KLF8: variants seen among roughly 807,000 people sequenced by gnomAD.
The protein encoded by KLF8 is Krueppel-like factor 8.
KLF8 carries 10 observed loss-of-function variants against 18.2 expected under a neutral mutation model. The observed-to-expected ratio is 0.55, with a 90% CI of 0.34 to 0.93. The LOEUF (loss-of-function observed/expected upper bound fraction) is 0.93. Among genes scored for constraint, KLF8 ranks in the 40% least tolerant of loss-of-function variants. KLF8 has a pLI of 0.02. For synonymous variants in KLF8, 109 were observed against 97.3 expected (o/e 1.12, Z -0.71); for missense variants, 264 against 277.9 (o/e 0.95, Z 0.36).
At chrX:56,018,746 A>G in the KLF8 span, among the ~76,000 whole-genome samples, 10 of 111,359 alleles carry the variant, frequency 9.0e-5, no homozygotes, top group East Asian at 2.5e-3. Context: ...AAATTGTTAA[A>G]TATTAGCAAT....
upstream of KLF8, among the ~76,000 whole-genome samples, chrX:56,229,415 A>G (rs193279672): frequency 8.9e-6 from 1 of 112,079 alleles, no homozygotes; most frequent in East Asian, 2.8e-4. Context: ...AGTTGAAAAT[A>G]TCGCAGGTTG....
the KLF8 span, among the ~76,000 whole-genome samples, chrX:56,128,946 G>A: frequency 9.0e-5 from 8 of 89,329 alleles, no homozygotes; most frequent in Non-Finnish European, 2.0e-4. Context: ...TGTCTGCAAT[G>A]TGCAAAAAAG....
At chrX:56,030,035 T>C in the KLF8 span, among the ~76,000 whole-genome samples, 36 of 112,747 alleles carry the variant, frequency 3.2e-4, no homozygotes, top group African/African-American at 1.2e-3. Context: ...TAAGGCCATG[T>C]TAATCATATG....
chrX:56,138,284 G>A, the KLF8 span, among the ~76,000 whole-genome samples: 1 of 111,314 alleles, frequency 9.0e-6, no homozygotes, highest in Admixed American at 9.6e-5. Context: ...TTCAAAAATG[G>A]AGAAGGAAGG....
At chrX:56,119,603 T>C in the KLF8 span, among the ~76,000 whole-genome samples, 1 of 110,007 alleles carries the variant, frequency 9.1e-6, no homozygotes, top group East Asian at 2.9e-4. Flanking sequence ...GGTTTCACCA[T>C]ATTGGCCAGG....
the KLF8 span, among the ~76,000 whole-genome samples, chrX:56,188,289 A>T: frequency 9.0e-6 from 1 of 111,441 alleles, no homozygotes; most frequent in East Asian, 2.8e-4. Flanking sequence ...AAGAGAATAA[A>T]ATACCTAGGA....
chrX:56,188,192 C>T, the KLF8 span, among the ~76,000 whole-genome samples: 1 of 111,394 alleles, frequency 9.0e-6, no homozygotes, highest in African/African-American at 3.3e-5. Flanking sequence ...GATACAAAAT[C>T]AATGTACAAA....
At chrX:56,109,842 A>G in the KLF8 span, among the ~76,000 whole-genome samples, 1 of 110,650 alleles carries the variant, frequency 9.0e-6, no homozygotes, top group South Asian at 3.9e-4. Flanking sequence ...TTTGTTACAT[A>G]GATAAACACG....
chrX:56,048,355 T>C, the KLF8 span, among the ~76,000 whole-genome samples: 1 of 112,132 alleles, frequency 8.9e-6, no homozygotes, highest in South Asian at 3.7e-4. Context: ...GTCTATGTCC[T>C]GAATGGTATT....
chrX:56,101,684 A>G, the KLF8 span, among the ~76,000 whole-genome samples: 2 of 111,888 alleles, frequency 1.8e-5, no homozygotes, highest in African/African-American at 6.5e-5. Flanking sequence ...TTTGATTTGC[A>G]TTTCTCTGAA....
chrX:56,170,299 T>A, the KLF8 span, among the ~76,000 whole-genome samples: 2 of 110,087 alleles, frequency 1.8e-5, no homozygotes, highest in Admixed American at 9.9e-5. Flanking sequence ...TCCACAAGCA[T>A]CAAGACCATC....
chrX:55,929,492 T>C, the KLF8 span, among the ~76,000 whole-genome samples: 3 of 112,704 alleles, frequency 2.7e-5, no homozygotes, highest in African/African-American at 9.7e-5. Context: ...AGGGTTTTTA[T>C]GGTTTTACAT....
the KLF8 span, among the ~76,000 whole-genome samples, chrX:56,174,532 A>C: frequency 8.9e-6 from 1 of 112,006 alleles, no homozygotes; most frequent in South Asian, 3.7e-4. Context: ...ATCGATGTTC[A>C]TCAAGGATAT....
At chrX:56,274,775 G>A (rs989037533) in intron 5 of KLF8, among the ~76,000 whole-genome samples, 5 of 111,764 alleles carry the variant, frequency 4.5e-5, no homozygotes, top group Admixed American at 1.9e-4. Context: ...ATTCCCCAAT[G>A]TATGATCTCA....
At chrX:56,145,123 C>A in the KLF8 span, among the ~76,000 whole-genome samples, 1 of 111,152 alleles carries the variant, frequency 9.0e-6, no homozygotes, top group Non-Finnish European at 1.9e-5. Context: ...AAAAACTCAA[C>A]AAAAGAAAGA....
the KLF8 span, among the ~76,000 whole-genome samples, chrX:56,012,702 T>C: frequency 1.8e-5 from 2 of 111,263 alleles, no homozygotes; most frequent in Non-Finnish European, 3.8e-5. Context: ...AACCCCATCA[T>C]CTCAGCCCAA....
chrX:55,923,705 C>CGTGTGT, the KLF8 span, among the ~76,000 whole-genome samples: 155 of 98,307 alleles, frequency 1.6e-3, no homozygotes, highest in African/African-American at 5.0e-3. Flanking sequence ...TAAAGATCCA[C>CGTGTGT]GTGTGTGTGT....
chrX:56,057,665 A>C, the KLF8 span, among the ~76,000 whole-genome samples: 1 of 111,173 alleles, frequency 9.0e-6, no homozygotes, highest in Non-Finnish European at 1.9e-5. Context: ...GAGGCCAGGA[A>C]ATTAAGGGGT....
chrX:56,258,425 A>G (rs1170675597), intron 2 of KLF8, among the ~76,000 whole-genome samples: 1 of 110,832 alleles, frequency 9.0e-6, no homozygotes, highest in East Asian at 2.8e-4. Flanking sequence ...GGCGCCTGCC[A>G]CCACACCTCG....
Sources: allele counts gnomAD v4.1 joint callset (sites outside exome capture counted in the v4.1 genomes callset), GRCh38; gene constraint gnomAD v4.1.1; transcripts MANE v1.5; gene names NCBI Gene and HGNC (gene_info 2026-07-23, HGNC 2026-07-21).